Variants in MATR3 observed in about 807,000 individuals in gnomAD.
The protein encoded by MATR3 is matrin 3.
A neutral mutation model predicts 85.5 loss-of-function variants in MATR3; 4 were observed. The observed-to-expected ratio is 0.05, with a 90% CI of 0.02 to 0.11. The LOEUF (loss-of-function observed/expected upper bound fraction) is 0.11, where lower values mean the gene tolerates loss of function less well. MATR3 is among the 10% of genes least tolerant of loss of function. The probability of loss-of-function intolerance (pLI) is 1.00; values close to 1 mark genes in which losing one functional copy is unlikely to be tolerated. For missense variants in MATR3, 685 were observed against 1,016.1 expected, an observed-to-expected ratio of 0.67 and a Z score of 4.43; for synonymous variants, 336 against 343.1, an observed-to-expected ratio of 0.98 and a Z score of 0.23.
At chr5:139,316,047 A>G (rs368638560) in intron 4 of MATR3, 29 bp from the exon 5 acceptor site, 1 of 1,492,966 alleles carries the variant, frequency 6.7e-7, no homozygotes, top group Non-Finnish European at 9.3e-7. Context: ...CTTTATTATG[A>G]TTTATATTTT....
chr5:139,326,392 T>A, intron 14 of MATR3, 108 bp downstream of exon 14: 1 of 998,232 alleles, frequency 1.0e-6, no homozygotes, highest in Non-Finnish European at 1.5e-6. Context: ...CTCAGTGCAG[T>A]GCTTTCTCCT....
intron 2 of MATR3, chr5:139,310,210 T>C (rs550239663): frequency 1.3e-5 from 2 of 152,324 alleles, no homozygotes; most frequent in Middle Eastern, 3.4e-3. Flanking sequence ...AACTATGGAT[T>C]CAAGAGTAAG....
At chr5:139,315,110 G>T (rs766024283) in intron 3 of MATR3, 7 of 208,744 alleles carry the variant, frequency 3.4e-5, no homozygotes, top group African/African-American at 7.1e-5. Context: ...GTTATTAAAA[G>T]ATTCTAATTC....
At chr5:139,316,846 C>G (rs1436286246) in intron 5 of MATR3, among the ~76,000 whole-genome samples, 1 of 152,052 alleles carries the variant, frequency 6.6e-6, no homozygotes, top group East Asian at 1.9e-4. Context: ...ACACCCGGCC[C>G]CATTCTGAAA....
At chr5:139,320,315 A>C (rs2152000459) in intron 9 of MATR3, among the ~76,000 whole-genome samples, 1 of 152,256 alleles carries the variant, frequency 6.6e-6, no homozygotes, top group South Asian at 2.1e-4. Context: ...CTCAAAAAAA[A>C]AAATTTAGAG....
At chr5:139,319,292 A>G (rs749342924) in intron 8 of MATR3, 42 bp from the exon 9 acceptor site, 16 of 1,571,496 alleles carry the variant, frequency 1.0e-5, no homozygotes, top group South Asian at 1.0e-4. Context: ...TTAACTAATA[A>G]TTATTGCACA....
At chr5:139,320,407 C>G (rs943381560) in intron 9 of MATR3, among the ~76,000 whole-genome samples, 1 of 152,166 alleles carries the variant, frequency 6.6e-6, no homozygotes, top group East Asian at 1.9e-4. Flanking sequence ...AGTTTGAGAC[C>G]GCCCTGACAA....
rs1186726385 is a variant in MATR3, at chr5:139,307,657, A to G, written c.242A>G (p.His81Arg). The G allele has an allele frequency of 1.2e-6, 2 of 1,614,126 alleles. No homozygotes were observed. The highest frequency in any genetic ancestry group is 1.1e-5 in the South Asian group (1 of 91,088). The change falls in exon 2 of 15, where the codon CAT becomes CGT. Residue 81 changes from histidine to arginine, a missense_variant. Physicochemically the swap from His to Arg is conservative, Grantham distance 29 (BLOSUM62 0). Around this residue, in one of 9 missense-constraint regions of MATR3, gnomAD observed 57 missense variants for 68.6 expected, o/e 0.83. Transcript: ENST00000394805. The surrounding 1 kb of genome is among the most constrained non-coding windows in gnomAD (Gnocchi z 4.4). ...SALSSASTSS[H>R]NLQSIFNIGS... ...CTGTCTTCTGCTAGTACTTCTTCCC[A>G]TAATTTGCAGTCTATATTTAACATT...
intron 12 of MATR3, 71 bp from the exon 13 acceptor site, chr5:139,325,369 A>G (rs1166921438): frequency 6.2e-7 from 1 of 1,607,768 alleles, no homozygotes; most frequent in Admixed American, 1.7e-5. Flanking sequence ...TCGGAACTTC[A>G]GAAACTTCGT....
At position 139,331,203 on chromosome 5, in the gene MATR3, A is replaced by G. The variant is rs1288124991; in HGVS notation, c.*1808A>G. 1 of 452,608 alleles carries G rather than the reference A, an allele frequency of 2.2e-6. No individual in the cohort carries two copies. Among genetic ancestry groups the G allele is most frequent in the Non-Finnish European group, 4.4e-6 (1 of 226,770 alleles). The allele number at this position is 452,608 out of a possible 1,614,324, so 28.0% of individuals were successfully genotyped here. ...TACTTCAAATAGTTGGCTAAATTTT[A>G]TGATCTCTCCCGTTGAAAAGTAGGT... On this transcript the variant is annotated 3_prime_UTR_variant, in exon 15 of 15. Coordinates refer to ENST00000394805, the MANE Select transcript of MATR3 (RefSeq NM_018834.6).
intron 3 of MATR3, among the ~76,000 whole-genome samples, chr5:139,284,712 CTG>C (rs1459828569): frequency 2.0e-5 from 3 of 151,934 alleles, no homozygotes; most frequent in Non-Finnish European, 4.4e-5. Context: ...TTTCAGTAAT[CTG>C]TAAATATCTT....
At position 139,318,945 on chromosome 5, in the gene MATR3, C is replaced by T; in HGVS notation, c.1346C>T (p.Ala449Val). 1 of 1,613,984 alleles carries T rather than the reference C, an allele frequency of 6.2e-7. No individual in the cohort carries two copies. The highest frequency in any genetic ancestry group is 8.5e-7 in the Non-Finnish European group (1 of 1,179,922). The change falls in exon 8 of 15, where the codon GCC (alanine) becomes GTC (valine). Residue 449 changes from alanine (A) to valine (V), a missense_variant. Physicochemically the swap from Ala to Val is moderately conservative, Grantham distance 64. Transcript: ENST00000394805. Reference protein sequence around the residue: ...IEMATTEDAQAAVDYYTTTPA... With the variant: ...IEMATTEDAQVAVDYYTTTPA... ...ATGGCAACCACAGAGGATGCTCAGG[C>T]CGCAGTGGATTATTACACAACCACA...
At chr5:139,304,158 TAC>T (rs1431972883) in intron 1 of MATR3, among the ~76,000 whole-genome samples, 6 of 152,334 alleles carry the variant, frequency 3.9e-5, no homozygotes, top group East Asian at 1.9e-4. Context: ...AATTTTAAGT[TAC>T]AGTTTGTTTT....
intron 14 of MATR3, among the ~76,000 whole-genome samples, chr5:139,326,650 C>A (rs1045481035): frequency 1.3e-5 from 2 of 152,108 alleles, no homozygotes; most frequent in African/African-American, 2.4e-5. Context: ...GTCTTGAACT[C>A]CTGACCTCAG....
chr5:139,316,926 AG>A, intron 5 of MATR3, 126 bp from the exon 6 acceptor site: 1 of 749,482 alleles, frequency 1.3e-6, no homozygotes, highest in Non-Finnish European at 2.4e-6. Flanking sequence ...TTGCATGAAA[AG>A]TGATGGTAAT....
At chr5:139,316,287 C>G (rs1221043725) in intron 5 of MATR3, 99 bp downstream of exon 5, 1 of 911,108 alleles carries the variant, frequency 1.1e-6, no homozygotes, top group African/African-American at 1.7e-5. Context: ...CTCTTATCGC[C>G]CAGGCTGGAG....
chr5:139,315,782 G>GTCCT (rs1755209901), intron 4 of MATR3, 44 bp downstream of exon 4: 1 of 1,452,162 alleles, frequency 6.9e-7, no homozygotes. Flanking sequence ...GGAGATCAAT[G>GTCCT]TAAGGAATTC....
Position 139,316,207 on chromosome 5 carries a change from T to TGTTACTTTTCCCTACAGAGCC in MATR3, c.1129+26_1129+46dup. 1 of 1,568,686 alleles carries TGTTACTTTTCCCTACAGAGCC rather than the reference T, an allele frequency of 6.4e-7. No individual in the cohort carries two copies. Among genetic ancestry groups the TGTTACTTTTCCCTACAGAGCC allele is most frequent in the Non-Finnish European group, 8.8e-7 (1 of 1,139,104 alleles). On this transcript the variant is annotated intron_variant, in intron 5 of 14. Coordinates refer to ENST00000394805, the MANE Select transcript of MATR3 (RefSeq NM_018834.6). ...AATCTGGGTAATTATATAAAATTCA[T>TGTTACTTTTCCCTACAGAGCC]GTTACTTTTCCCTACAGAGCCGTTA...
chr5:139,278,723 T>C lies in MATR3; in HGVS notation c.-256-328T>C, dbSNP rs1753395331. 1.9e-5 allele frequency: 9 copies of C among 482,078 alleles called. 1 individual carries two copies. Among genetic ancestry groups the C allele is most frequent in the South Asian group, 1.3e-4 (9 of 68,068 alleles). The allele number at this position is 482,078 out of a possible 1,614,324, so 29.9% of individuals were successfully genotyped here. ...CAGTCAATATTCAACTGATACGTCT[T>C]CTACCTGGAGTGCCTAGGTATCTGA... is the stretch of plus-strand genomic sequence containing the variant. On this transcript the variant is annotated intron_variant, in intron 2 of 16. Transcript: ENST00000509990.
Sources: gnomAD v4.1 joint callset for allele counts (sites outside exome capture counted in the v4.1 genomes callset) on GRCh38, gnomAD v4.1.1 for gene constraint, gnomAD v4.1.1 regional missense constraint, Gnocchi (gnomAD v3.1) non-coding constraint, MANE v1.5 for transcripts, NCBI Gene and HGNC (gene_info 2026-07-23, HGNC 2026-07-21) for gene names.